GOT1: variants seen among roughly 807,000 people sequenced by gnomAD.
The protein encoded by GOT1 is glutamic-oxaloacetic transaminase 1.
GOT1 carries 25 observed loss-of-function variants against 48.2 expected under a neutral mutation model. The observed-to-expected ratio is 0.52, with a 90% confidence interval of 0.38 to 0.72. The LOEUF is 0.72. Ranked by LOEUF, GOT1 falls within the 30% of genes least tolerant of loss-of-function variation. GOT1 has a pLI of 0.00. For synonymous variants in GOT1, 188 were observed against 193.8 expected (o/e 0.97, Z 0.25); for missense variants, 380 against 520.1 (o/e 0.73, Z 2.62).
intron 2 of GOT1, among the ~76,000 whole-genome samples, chr10:99,408,942 A>T (rs571931522): frequency 5.9e-4 from 90 of 152,248 alleles, no homozygotes; most frequent in African/African-American, 2.1e-3. Context: ...ATTAAATAAT[A>T]ATCCAGCTTT....
In GOT1 at chr10:99,402,727, A is replaced by G; in HGVS notation, c.960-5T>C. 6.2e-7 allele frequency: 1 copy of G among 1,612,426 alleles called. No homozygotes were observed. Among genetic ancestry groups the G allele is most frequent in the Non-Finnish European group, 8.5e-7 (1 of 1,178,388 alleles). ...ATTGTCTTCACATTACCTGTCCTGA[A>G]GCATGGACAGTGACGTAAATACCAA... On this transcript the variant is annotated splice_polypyrimidine_tract_variant and splice_region_variant and intron_variant, in intron 7 of 8. Transcript: ENST00000370508.
At position 99,403,555 on chromosome 10, in the gene GOT1, G is replaced by C. The variant is rs200430334; in HGVS notation, c.873C>G (p.Ile291Met). 27 of 1,613,980 alleles carry C rather than the reference G, an allele frequency of 1.7e-5. No individual in the cohort carries two copies. The East Asian group carries it at 2.2e-4, about 13-fold the overall frequency. Residue 291 changes from isoleucine to methionine, a missense_variant, in exon 7 of 9, where the codon ATC becomes ATG. By Grantham distance (10) the Ile-to-Met change is conservative. Transcript: ENST00000370508. ...ILQVLSQMEK[I>M]VRITWSNPPA... Reference sequence around the variant, plus strand: ...GGGGATTGGACCAAGTAATCCGCACGATCTTCTCCATCTGGGAAAGGACTT... The same window carrying C: ...GGGGATTGGACCAAGTAATCCGCACCATCTTCTCCATCTGGGAAAGGACTT...
intron 8 of GOT1, among the ~76,000 whole-genome samples, chr10:99,401,094 T>C (rs964894092): frequency 6.6e-6 from 1 of 152,236 alleles, no homozygotes. Context: ...AATTTCCTCC[T>C]GTGGATAATG....
chr10:99,420,717 G>A lies in GOT1; in HGVS notation c.207C>T (p.His69=), dbSNP rs548573132. 4.5e-5 allele frequency: 72 copies of A among 1,613,802 alleles called. No individual in the cohort carries two copies. Among genetic ancestry groups the A allele is most frequent in the South Asian group, 9.9e-5 (9 of 91,074 alleles). ...CCAGGCCCAGGATTGGCAGATACTC[G>A]TGATTTAGGCTATTGTCATTAGCAA... ...QKIANDNSLN[H]EYLPILGLAE... Residue 69 remains histidine, a synonymous_variant, in exon 2 of 9, where the codon CAC becomes CAT. Transcript: ENST00000370508.
At chr10:99,411,712 T>C (rs1202364573) in intron 2 of GOT1, among the ~76,000 whole-genome samples, 1 of 152,246 alleles carries the variant, frequency 6.6e-6, no homozygotes, top group Non-Finnish European at 1.5e-5. Context: ...CAGGGGATTC[T>C]GTGTGTTTGA....
At chr10:99,417,282 C>T (rs2032908510) in intron 2 of GOT1, among the ~76,000 whole-genome samples, 1 of 152,188 alleles carries the variant, frequency 6.6e-6, no homozygotes, top group Admixed American at 6.5e-5. Context: ...TATGAACAGA[C>T]ACTTCTCAAA....
rs143924676 is a variant in GOT1 at position 99,424,808 on chromosome 10, A to C, written c.119-4003T>G. Among the ~76,000 whole-genome samples the C allele has an allele frequency of 2.5e-3, 386 of 152,292 alleles. 3 individuals carry two copies. Among genetic ancestry groups the C allele is most frequent in the African/African-American group, 8.1e-3 (337 of 41,556 alleles). On this transcript the variant is annotated intron_variant, in intron 1 of 8. Coordinates refer to ENST00000370508, the MANE Select transcript of GOT1 (RefSeq NM_002079.3). ...CCCAGTTTTTCCCAGGTTGAGTTCTAGATTTGTTCCTGATGCCTCTCCTAA... is the reference window on the plus strand; with the variant it reads ...CCCAGTTTTTCCCAGGTTGAGTTCTCGATTTGTTCCTGATGCCTCTCCTAA...
intron 1 of GOT1, among the ~76,000 whole-genome samples, chr10:99,423,720 C>G (rs980340003): frequency 6.6e-6 from 1 of 152,196 alleles, no homozygotes; most frequent in African/African-American, 2.4e-5. Flanking sequence ...ACGAACACAG[C>G]TCACTGCAGC....
chr10:99,407,237 A>G (rs1210322804), intron 2 of GOT1, among the ~76,000 whole-genome samples: 1 of 152,030 alleles, frequency 6.6e-6, no homozygotes, highest in African/African-American at 2.4e-5. Context: ...AGGCAAACCC[A>G]TCTCTTCAGC....
Position 99,400,417 on chromosome 10 carries a change from G to A in GOT1, c.1102+2163C>T, listed in dbSNP as rs190719469. Among the ~76,000 whole-genome samples, 14 of 149,194 alleles carry A rather than the reference G, an allele frequency of 9.4e-5. No individual in the cohort carries two copies. The East Asian group carries it at 2.2e-3, about 24-fold the overall frequency. On this transcript the variant is annotated intron_variant, in intron 8 of 8. Transcript: ENST00000370508. ...TCCCAGCACCTTGGGAGACCGAGGC[G>A]GGCAGATCACTTGAGCTCAGGAGTT...
chr10:99,403,873 T>A lies in GOT1; in HGVS notation c.644A>T (p.His215Leu). Residue 215 changes from histidine to leucine, a missense_variant and splice_region_variant, in exon 6 of 9, where the codon CAC becomes CTC. Coordinates refer to ENST00000370508, the MANE Select transcript of GOT1 (RefSeq NM_002079.3). Reference protein sequence around the residue: ...QWKQIASVMKHRFLFPFFDSA... With the variant: ...QWKQIASVMKLRFLFPFFDSA... ...GTCAAAGAAGGGGAACAGAAACCGG[T>A]GCTGCGGGGAAGCAAAGTGAGTCAG... 6.2e-7 allele frequency: 1 copy of A among 1,613,400 alleles called. No homozygotes were observed. Among genetic ancestry groups the A allele is most frequent in the Non-Finnish European group, 8.5e-7 (1 of 1,180,000 alleles).
chr10:99,414,337 T>C (rs183980781), intron 2 of GOT1, among the ~76,000 whole-genome samples: 93 of 151,998 alleles, frequency 6.1e-4, no homozygotes, highest in African/African-American at 2.2e-3. Context: ...TCAAAAGAGA[T>C]AAAGAAGGCC....
intron 8 of GOT1, among the ~76,000 whole-genome samples, chr10:99,401,089 C>T (rs2032669059): frequency 2.0e-5 from 3 of 152,214 alleles, no homozygotes; most frequent in Admixed American, 6.5e-5. Context: ...AAACTAATTT[C>T]CTCCTGTGGA....
At position 99,420,894 on chromosome 10, in the gene GOT1, A is replaced by G; in HGVS notation, c.119-89T>C. On this transcript the variant is annotated intron_variant, in intron 1 of 8. Transcript: ENST00000370508. Reference sequence around the variant, plus strand: ...AACTGTGAACCAGGAGAATCCCACCACCTTCCGGTCAAAACAGAACAGTGA... The same window carrying G: ...AACTGTGAACCAGGAGAATCCCACCGCCTTCCGGTCAAAACAGAACAGTGA... The G allele has an allele frequency of 4.8e-6, 5 of 1,046,946 alleles. No individual in the cohort carries two copies. In the South Asian group the frequency reaches 7.6e-5, roughly 16 times the overall value. The allele number at this position is 1,046,946 out of a possible 1,614,324, so 64.9% of individuals were successfully genotyped here.
At chr10:99,422,473 A>G (rs1055974611) in intron 1 of GOT1, among the ~76,000 whole-genome samples, 38 of 152,184 alleles carry the variant, frequency 2.5e-4, no homozygotes, top group African/African-American at 8.9e-4. Flanking sequence ...TGATGGGCAT[A>G]TTCTTTTATA....
chr10:99,429,481 C>G (rs1030458756), intron 1 of GOT1, among the ~76,000 whole-genome samples: 11 of 152,020 alleles, frequency 7.2e-5, no homozygotes, highest in Admixed American at 7.2e-4. Context: ...AATTTCTAGT[C>G]CTTTTATTCT....
At chr10:99,401,127 G>A (rs1055983154) in intron 8 of GOT1, among the ~76,000 whole-genome samples, 5 of 152,094 alleles carry the variant, frequency 3.3e-5, no homozygotes, top group Non-Finnish European at 7.4e-5. Context: ...TATTTTACAG[G>A]GAGACATTCC....
intron 3 of GOT1, 78 bp from the exon 4 acceptor site, chr10:99,406,327 C>T (rs927254709): frequency 2.0e-6 from 2 of 997,366 alleles, no homozygotes; most frequent in African/African-American, 3.2e-5. Context: ...AGTCAGCTTC[C>T]AGGGCCCTCC....
At chr10:99,422,385 C>T (rs1229513752) in intron 1 of GOT1, among the ~76,000 whole-genome samples, 1 of 152,100 alleles carries the variant, frequency 6.6e-6, no homozygotes, top group African/African-American at 2.4e-5. Flanking sequence ...AGTGTGAGAA[C>T]TAACATAACA....
Sources: gnomAD v4.1 joint callset for allele counts (sites outside exome capture counted in the v4.1 genomes callset) on GRCh38, gnomAD v4.1.1 for gene constraint, MANE v1.5 for transcripts, NCBI Gene and HGNC (gene_info 2026-07-23, HGNC 2026-07-21) for gene names.